Variants in SGMS1 observed in about 807,000 individuals in gnomAD.
SGMS1 encodes phosphatidylcholine:ceramide cholinephosphotransferase 1.
SGMS1 carries 13 observed loss-of-function variants against 46.2 expected under a neutral mutation model. The observed-to-expected ratio is 0.28, with a 90% CI of 0.18 to 0.45. The LOEUF (loss-of-function observed/expected upper bound fraction) is 0.45. Ranked by LOEUF, SGMS1 falls within the 20% of genes least tolerant of loss-of-function variation. The probability of loss-of-function intolerance (pLI) is 1.00; values close to 1 mark genes in which losing one functional copy is unlikely to be tolerated. For missense variants in SGMS1, 324 were observed against 519.9 expected, an observed-to-expected ratio of 0.62 and a Z score of 3.66; for synonymous variants, 203 against 187.8, an observed-to-expected ratio of 1.08 and a Z score of -0.66.
At chr10:50,367,637 T>A (rs1316379473) in intron 6 of SGMS1, among the ~76,000 whole-genome samples, 3 of 152,192 alleles carry the variant, frequency 2.0e-5, no homozygotes, top group African/African-American at 7.2e-5. Flanking sequence ...CTTAATGCAT[T>A]AAGGTTTTCT....
chr10:50,365,277 A>AAAAAAAAAAAAAAAAAAAAAAAAAAAAC (rs1848319053), intron 6 of SGMS1, among the ~76,000 whole-genome samples: 1 of 149,904 alleles, frequency 6.7e-6, no homozygotes, highest in Non-Finnish European at 1.5e-5. Flanking sequence ...AAAAAAAAAA[A>AAAAAAAAAAAAAAAAAAAAAAAAAAAAC]AGCAACTAAT....
At chr10:50,476,401 A>C (rs1837428332) in intron 3 of SGMS1, among the ~76,000 whole-genome samples, 1 of 152,182 alleles carries the variant, frequency 6.6e-6, no homozygotes, top group Admixed American at 6.5e-5. Flanking sequence ...AAAATGTGGA[A>C]GCAACTTTGA....
intron 8 of SGMS1, among the ~76,000 whole-genome samples, chr10:50,312,750 C>T (rs796465652): frequency 1.6e-4 from 25 of 152,312 alleles, no homozygotes; most frequent in African/African-American, 6.0e-4. Flanking sequence ...CTTATATACT[C>T]TTTTCCAGGA....
intron 2 of SGMS1, among the ~76,000 whole-genome samples, chr10:50,560,257 A>T (rs568556377): frequency 1.6e-4 from 23 of 142,030 alleles, no homozygotes; most frequent in African/African-American, 5.4e-4. Context: ...AATATACATA[A>T]TATCTAATGT....
intron 2 of SGMS1, among the ~76,000 whole-genome samples, chr10:50,539,222 T>A (rs1838030954): frequency 6.6e-6 from 1 of 152,190 alleles, no homozygotes; most frequent in African/African-American, 2.4e-5. Context: ...CCTGTCTAGT[T>A]CCTTCCCGCC....
intron 2 of SGMS1, among the ~76,000 whole-genome samples, chr10:50,574,951 G>A (rs3011708): frequency 0.83 from 109,736 of 132,750 alleles, 45,750 homozygotes; most frequent in East Asian, 1. Context: ...CATTTTAAAA[G>A]GAAAATGTGG....
At chr10:50,381,035 C>A (rs1848596662) in intron 6 of SGMS1, among the ~76,000 whole-genome samples, 1 of 150,374 alleles carries the variant, frequency 6.7e-6, no homozygotes, top group Non-Finnish European at 1.5e-5. Context: ...CTCACTGTTA[C>A]CCAGGCTACT....
At chr10:50,469,680 G>A (rs1439406806) in intron 3 of SGMS1, among the ~76,000 whole-genome samples, 2 of 152,068 alleles carry the variant, frequency 1.3e-5, no homozygotes, top group Admixed American at 1.3e-4. Context: ...ACTGGTGGTG[G>A]GGGGAGTGTG....
At position 50,432,673 on chromosome 10, in the gene SGMS1, GAAAAGT is replaced by G. The variant is rs1849419515; in HGVS notation, c.-232+797_-232+802del. 2.6e-5 allele frequency among the ~76,000 whole-genome samples: 4 copies of G among 152,320 alleles called. No homozygotes were observed. In the South Asian group the frequency reaches 8.3e-4, roughly 32 times the overall value. On this transcript the variant is annotated intron_variant, in intron 6 of 10. Transcript: ENST00000361781. ...TAAATCATGACACAAATATAAGGAA[GAAAAGT>G]AAATATGATTTATTGTGCCAGTAAC...
At chr10:50,341,383 G>C (rs777759880) in intron 7 of SGMS1, 1 of 456,010 alleles carries the variant, frequency 2.2e-6, no homozygotes, top group South Asian at 1.5e-5. Context: ...GAAGGACAGG[G>C]TGGACGATGC....
intron 2 of SGMS1, among the ~76,000 whole-genome samples, chr10:50,562,337 A>AGTGTGTGTGTGTGT (rs758431447): frequency 1.5e-5 from 2 of 132,358 alleles, no homozygotes; most frequent in African/African-American, 5.6e-5. Flanking sequence ...ACACTCTCTG[A>AGTGTGTGTGTGTGT]GTGTGTGTGT....
At chr10:50,493,663 CAG>C (rs1478692946) in intron 3 of SGMS1, among the ~76,000 whole-genome samples, 1 of 151,692 alleles carries the variant, frequency 6.6e-6, no homozygotes, top group Non-Finnish European at 1.5e-5. Flanking sequence ...GGGACACAAA[CAG>C]ACCCTTTTCA....
chr10:50,426,577 GACA>G (rs1849329624), intron 6 of SGMS1, among the ~76,000 whole-genome samples: 1 of 152,198 alleles, frequency 6.6e-6, no homozygotes, highest in South Asian at 2.1e-4. Context: ...GTACATGCTG[GACA>G]ACAAGTTTGA....
intron 2 of SGMS1, among the ~76,000 whole-genome samples, chr10:50,527,061 CTCAAAAAAA>C (rs1190959394): frequency 1.5e-5 from 1 of 65,526 alleles, no homozygotes; most frequent in Non-Finnish European, 2.7e-5. Flanking sequence ...GAGACTCTGT[CTCAAAAAAA>C]AAAAAAAAAA....
intron 6 of SGMS1, among the ~76,000 whole-genome samples, chr10:50,415,461 A>T (rs933008707): frequency 2.0e-5 from 3 of 152,180 alleles, no homozygotes; most frequent in African/African-American, 7.2e-5. Context: ...TGGTTTTATC[A>T]TCACACTGGC....
chr10:50,341,998 T>G (rs115371518), intron 7 of SGMS1, among the ~76,000 whole-genome samples: 1,896 of 152,278 alleles, frequency 0.012, 37 homozygotes, highest in African/African-American at 0.043. Context: ...GGGTAGTAAA[T>G]TATTTGCCTG....
chr10:50,351,352 T>C (rs1848008958), intron 6 of SGMS1, among the ~76,000 whole-genome samples: 1 of 152,216 alleles, frequency 6.6e-6, no homozygotes, highest in Non-Finnish European at 1.5e-5. Context: ...GACTTTGGAC[T>C]GTGGACTTTT....
chr10:50,411,075 T>C (rs532315858), intron 6 of SGMS1, among the ~76,000 whole-genome samples: 8 of 152,306 alleles, frequency 5.3e-5, no homozygotes, highest in African/African-American at 1.9e-4. Context: ...TACTATTACC[T>C]GAGGGCCCTC....
chr10:50,373,488 C>A (rs749313791), intron 6 of SGMS1, among the ~76,000 whole-genome samples: 62 of 152,154 alleles, frequency 4.1e-4, no homozygotes, highest in Admixed American at 3.9e-3. Flanking sequence ...TGATCATAAC[C>A]TGAGACAGTG....
Sources: allele counts gnomAD v4.1 joint callset (sites outside exome capture counted in the v4.1 genomes callset), GRCh38; gene constraint gnomAD v4.1.1; transcripts MANE v1.5; gene names NCBI Gene and HGNC (gene_info 2026-07-23, HGNC 2026-07-21).